Variants in RPS6KA5 observed in about 807,000 individuals in gnomAD.
RPS6KA5 encodes the protein ribosomal protein S6 kinase A5.
Under a neutral mutation model 85.5 loss-of-function variants are expected in RPS6KA5, and 27 were observed. That is an observed-to-expected ratio of 0.32 (90% CI 0.23 to 0.44). The LOEUF (loss-of-function observed/expected upper bound fraction) is 0.44, where lower values mean the gene tolerates loss of function less well. Among genes scored for constraint, RPS6KA5 ranks in the 20% least tolerant of loss-of-function variants. The probability of loss-of-function intolerance (pLI) is 1.00; values close to 1 mark genes in which losing one functional copy is unlikely to be tolerated. For missense variants in RPS6KA5, 811 were observed against 980.9 expected, an observed-to-expected ratio of 0.83 and a Z score of 2.31; for synonymous variants, 334 against 348.2, an observed-to-expected ratio of 0.96 and a Z score of 0.46.
At position 90,978,501 on chromosome 14, in the gene RPS6KA5, G is replaced by A. The variant is rs151225102; in HGVS notation, c.199C>T (p.Arg67Cys). The stretch of plus-strand genomic sequence containing the variant: ...CCAGTATCATGGCCACTTATTTTAC[G>A]AACTAGAAATACTTTTCCATAAGCT... ...TGAYGKVFLVRKISGHDTGKL... is the reference protein window; with the variant it reads ...TGAYGKVFLVCKISGHDTGKL... The change falls in exon 3 of 17, where the codon CGT (arginine) becomes TGT (cysteine). Residue 67 changes from arginine (R) to cysteine (C), a missense_variant. Transcript: ENST00000614987. 190 of 1,586,124 alleles carry A rather than the reference G, an allele frequency of 1.2e-4. No homozygotes were observed. The highest frequency in any genetic ancestry group is 1.5e-4 in the Non-Finnish European group (177 of 1,167,264).
At chr14:90,942,923 A>C (rs973427109) in intron 5 of RPS6KA5, among the ~76,000 whole-genome samples, 155 bp downstream of exon 5, 10 of 152,218 alleles carry the variant, frequency 6.6e-5, no homozygotes, top group African/African-American at 2.2e-4. Flanking sequence ...CTCCATACGA[A>C]TTTTAAACTA....
chr14:90,986,130 T>C (rs1435418629), intron 2 of RPS6KA5, among the ~76,000 whole-genome samples: 1 of 152,178 alleles, frequency 6.6e-6, no homozygotes, highest in Non-Finnish European at 1.5e-5. Flanking sequence ...TTTATTAACC[T>C]ACATTCAGAG....
At chr14:90,996,951 T>A (rs556088378) in intron 2 of RPS6KA5, among the ~76,000 whole-genome samples, 1 of 152,322 alleles carries the variant, frequency 6.6e-6, no homozygotes, top group Non-Finnish European at 1.5e-5. Context: ...CAATTTTACA[T>A]TACTGAATTA....
chr14:90,892,123 C>G (rs1481365330), intron 13 of RPS6KA5, among the ~76,000 whole-genome samples: 2 of 152,066 alleles, frequency 1.3e-5, no homozygotes, highest in East Asian at 1.9e-4. Flanking sequence ...CTCAGCCTCC[C>G]AAGTACCTGG....
chr14:91,034,246 A>C (rs2042306547), intron 1 of RPS6KA5, among the ~76,000 whole-genome samples: 1 of 151,822 alleles, frequency 6.6e-6, no homozygotes. Flanking sequence ...CAGAGGTTGC[A>C]GTGAGCCAGG....
At chr14:90,952,744 C>G (rs1282180936) in intron 3 of RPS6KA5, among the ~76,000 whole-genome samples, 1 of 152,244 alleles carries the variant, frequency 6.6e-6, no homozygotes, top group Non-Finnish European at 1.5e-5. Flanking sequence ...ATTCCTACAA[C>G]AAGACTGATC....
chr14:90,922,319 A>G (rs2036437697), intron 6 of RPS6KA5, among the ~76,000 whole-genome samples: 1 of 151,592 alleles, frequency 6.6e-6, no homozygotes, highest in Non-Finnish European at 1.5e-5. Flanking sequence ...AAAAATGCCA[A>G]TAAATACTGT....
chr14:90,897,828 C>A (rs1023744347), intron 12 of RPS6KA5, among the ~76,000 whole-genome samples: 3 of 152,146 alleles, frequency 2.0e-5, no homozygotes, highest in Non-Finnish European at 4.4e-5. Flanking sequence ...TAAGATCACC[C>A]GTTGATTCCT....
intron 1 of RPS6KA5, among the ~76,000 whole-genome samples, chr14:91,028,876 G>C (rs895947685): frequency 2.0e-5 from 3 of 152,136 alleles, no homozygotes; most frequent in Non-Finnish European, 4.4e-5. Flanking sequence ...TATATACATA[G>C]AGGTATTTAT....
intron 14 of RPS6KA5, among the ~76,000 whole-genome samples, chr14:90,882,248 A>G (rs920019612): frequency 6.6e-6 from 1 of 152,254 alleles, no homozygotes; most frequent in Non-Finnish European, 1.5e-5. Context: ...TTAATAATGT[A>G]GAAAAACCTT....
In RPS6KA5 at chr14:90,850,904, C is replaced by T. The variant is rs1213051042; in HGVS notation, c.*21170G>A. On this transcript the variant is annotated 3_prime_UTR_variant, in exon 17 of 17. Transcript: ENST00000614987. ...ATATATTTTAAACCCACACTCAGAC[C>T]GACAGTGTACACCATAAATTTGTAC... The T allele has an allele frequency of 2.0e-5, 3 of 152,082 alleles. No individual in the cohort carries two copies. Among genetic ancestry groups the T allele is most frequent in the Non-Finnish European group, 4.4e-5 (3 of 68,026 alleles). The allele number at this position is 152,082 out of a possible 1,614,324, so 9.4% of individuals were successfully genotyped here.
chr14:91,014,884 T>C (rs1461105353), intron 1 of RPS6KA5, among the ~76,000 whole-genome samples: 2 of 152,208 alleles, frequency 1.3e-5, no homozygotes, highest in Non-Finnish European at 2.9e-5. Flanking sequence ...GACCATAAAC[T>C]TTATAAAATG....
chr14:90,895,719 C>G (rs918752419), intron 12 of RPS6KA5, among the ~76,000 whole-genome samples: 4 of 152,086 alleles, frequency 2.6e-5, no homozygotes, highest in African/African-American at 9.7e-5. Context: ...GACCTCATCT[C>G]TACAAAAAAT....
chr14:90,911,993 C>T (rs527325034), intron 7 of RPS6KA5, among the ~76,000 whole-genome samples: 38 of 152,162 alleles, frequency 2.5e-4, no homozygotes, highest in African/African-American at 8.4e-4. Flanking sequence ...GGGGGTACTT[C>T]CCCACCATCT....
chr14:90,904,144 T>C (rs989349299), intron 8 of RPS6KA5, among the ~76,000 whole-genome samples: 4 of 152,088 alleles, frequency 2.6e-5, no homozygotes, highest in Non-Finnish European at 4.4e-5. Context: ...AGAGACAGGG[T>C]TTCACTGTGT....
At chr14:91,004,105 A>C (rs1261608756) in intron 1 of RPS6KA5, among the ~76,000 whole-genome samples, 1 of 152,070 alleles carries the variant, frequency 6.6e-6, no homozygotes, top group African/African-American at 2.4e-5. Flanking sequence ...GATTTTTTTG[A>C]GACGGAGTTT....
intron 1 of RPS6KA5, among the ~76,000 whole-genome samples, chr14:91,016,454 T>C (rs1028707256): frequency 1.3e-5 from 2 of 152,234 alleles, no homozygotes; most frequent in African/African-American, 4.8e-5. Flanking sequence ...CCTTTGTTCA[T>C]AATCACCAAT....
chr14:90,939,914 C>T (rs1383748928), intron 5 of RPS6KA5, among the ~76,000 whole-genome samples: 6 of 152,056 alleles, frequency 3.9e-5, no homozygotes, highest in African/African-American at 1.4e-4. Flanking sequence ...TGAGTTGGGG[C>T]TGACATGGAA....
chr14:90,913,578 T>A (rs1250463564), intron 7 of RPS6KA5, among the ~76,000 whole-genome samples: 3 of 152,226 alleles, frequency 2.0e-5, no homozygotes, highest in Admixed American at 2.0e-4. Flanking sequence ...TTGTTAGACG[T>A]GCCTGGAAGT....
Sources: allele counts gnomAD v4.1 joint callset (sites outside exome capture counted in the v4.1 genomes callset), GRCh38; gene constraint gnomAD v4.1.1; transcripts MANE v1.5; gene names NCBI Gene and HGNC (gene_info 2026-07-23, HGNC 2026-07-21).